Variants in ZC2HC1A observed in about 807,000 individuals in gnomAD.
The protein encoded by ZC2HC1A is zinc finger C2HC domain-containing protein 1A.
A neutral mutation model predicts 40.7 loss-of-function variants in ZC2HC1A; 28 were observed. That is an observed-to-expected ratio of 0.69 (90% CI 0.51 to 0.94). The LOEUF is 0.94. Among genes scored for constraint, ZC2HC1A ranks in the 40% least tolerant of loss-of-function variants. The pLI is 0.00. For missense variants in ZC2HC1A, 389 were observed against 386.3 expected, an observed-to-expected ratio of 1.01 and a Z score of -0.06; for synonymous variants, 129 against 129.2, an observed-to-expected ratio of 1.00 and a Z score of 0.01.
intron 5 of ZC2HC1A, among the ~76,000 whole-genome samples, chr8:78,695,315 A>G (rs1044189673): frequency 1.3e-5 from 2 of 152,160 alleles, no homozygotes; most frequent in Non-Finnish European, 2.9e-5. Flanking sequence ...TGTTCTGCCT[A>G]AGTATTTGGA....
chr8:78,671,489 A>G lies in ZC2HC1A; in HGVS notation c.17-4298A>G, dbSNP rs145685066. On this transcript the variant is annotated intron_variant, in intron 1 of 8. Coordinates refer to ENST00000263849, the MANE Select transcript of ZC2HC1A (RefSeq NM_016010.3). ...ATTTTTATAAGCTGCAAAATTTGCTAGTTTTTGCCACTTAGGAAAGGTTAG... is the reference window on the plus strand; with the variant it reads ...ATTTTTATAAGCTGCAAAATTTGCTGGTTTTTGCCACTTAGGAAAGGTTAG... 5.9e-3 allele frequency among the ~76,000 whole-genome samples: 902 copies of G among 152,264 alleles called. 9 individuals carry two copies. The highest frequency in any genetic ancestry group is 0.02 in the African/African-American group (846 of 41,552).
chr8:78,684,650 G>A (rs1322989071), intron 3 of ZC2HC1A, among the ~76,000 whole-genome samples: 4 of 152,118 alleles, frequency 2.6e-5, no homozygotes, highest in Non-Finnish European at 4.4e-5. Context: ...CAAACAACAG[G>A]AGTAAAGGGA....
chr8:78,699,076 A>G (rs1054449066), intron 7 of ZC2HC1A, among the ~76,000 whole-genome samples: 2 of 152,172 alleles, frequency 1.3e-5, no homozygotes, highest in African/African-American at 4.8e-5. Context: ...ATGAAAATCT[A>G]TAAAGGGATA....
intron 4 of ZC2HC1A, among the ~76,000 whole-genome samples, chr8:78,687,388 T>C (rs554373451): frequency 1.3e-5 from 2 of 150,274 alleles, no homozygotes; most frequent in Non-Finnish European, 3.0e-5. Context: ...TCTACAGATA[T>C]AGTAAATATC....
intron 3 of ZC2HC1A, chr8:78,679,399 C>G (rs1433730464): frequency 2.0e-5 from 3 of 152,244 alleles, no homozygotes; most frequent in East Asian, 3.9e-4. Context: ...GCACATCCTC[C>G]CATGTGCTTT....
chr8:78,699,869 T>C lies in ZC2HC1A; in HGVS notation c.704+1356T>C, dbSNP rs140836810. On this transcript the variant is annotated intron_variant, in intron 7 of 8. Coordinates refer to ENST00000263849, the MANE Select transcript of ZC2HC1A (RefSeq NM_016010.3). Reference sequence around the variant, plus strand: ...TATATTTTCTTTATCCAGTATATCATTGATGGACATTTAGGTTGATTCCAT... The same window carrying C: ...TATATTTTCTTTATCCAGTATATCACTGATGGACATTTAGGTTGATTCCAT... 8.3e-3 allele frequency among the ~76,000 whole-genome samples: 1,259 copies of C among 152,288 alleles called. 19 individuals carry two copies. Among genetic ancestry groups the C allele is most frequent in the African/African-American group, 0.028 (1,166 of 41,568 alleles).
rs761554974 is a variant in ZC2HC1A at position 78,678,651 on chromosome 8, T to C, written c.182T>C (p.Ile61Thr). ...SSRQRAEGTDIPTVKPLKPRP... is the reference protein window; with the variant it reads ...SSRQRAEGTDTPTVKPLKPRP... ...AGACAGAGAGCTGAAGGAACTGATA[T>C]TCCAACAGTAAAACCTCTCAAACCG... Residue 61 changes from isoleucine to threonine, a missense_variant, in exon 3 of 9, where the codon ATT (isoleucine) becomes ACT (threonine). Ile to Thr is a moderately conservative substitution (Grantham distance 89, BLOSUM62 -1). Transcript: ENST00000263849. The C allele has an allele frequency of 1.2e-6, 2 of 1,611,474 alleles. No homozygotes were observed. Among genetic ancestry groups the C allele is most frequent in the Non-Finnish European group, 8.5e-7 (1 of 1,178,974 alleles).
chr8:78,695,769 T>C (rs1456636178), intron 5 of ZC2HC1A, among the ~76,000 whole-genome samples: 1 of 152,222 alleles, frequency 6.6e-6, no homozygotes, highest in Non-Finnish European at 1.5e-5. Flanking sequence ...CATTTGTTAA[T>C]TTGAAAGACA....
At chr8:78,690,358 A>G (rs1346687645) in intron 5 of ZC2HC1A, among the ~76,000 whole-genome samples, 1 of 152,176 alleles carries the variant, frequency 6.6e-6, no homozygotes, top group African/African-American at 2.4e-5. Flanking sequence ...CAGGAGATAA[A>G]GACCATCCTG....
chr8:78,680,758 T>G (rs977371010), intron 3 of ZC2HC1A, among the ~76,000 whole-genome samples: 1 of 152,210 alleles, frequency 6.6e-6, no homozygotes, highest in Admixed American at 6.5e-5. Context: ...GGCCTGTGGC[T>G]GGATTCTGGA....
rs760905028 is a variant in ZC2HC1A, at chr8:78,715,239, A to G, written c.723A>G (p.Arg241=). ...APHAGANVKP[R]NSTPPSLARN... The stretch of plus-strand genomic sequence containing the variant: ...TTTATAGAGCTAATGTCAAACCCCG[A>G]AATTCCACACCACCTAGTTTGGCAA... The change falls in exon 8 of 9, where the codon CGA becomes CGG. Residue 241 remains arginine, a synonymous_variant. Transcript: ENST00000263849. 19 of 1,613,784 alleles carry G rather than the reference A, an allele frequency of 1.2e-5. No homozygotes were observed. Among genetic ancestry groups the G allele is most frequent in the Non-Finnish European group, 1.6e-5 (19 of 1,179,870 alleles).
At chr8:78,708,673 T>A (rs1306613763) in intron 7 of ZC2HC1A, among the ~76,000 whole-genome samples, 1 of 16,450 alleles carries the variant, frequency 6.1e-5, no homozygotes, top group East Asian at 0.018. Flanking sequence ...GATGATTATC[T>A]TTTTTTTTTC....
rs778393767 is a variant in ZC2HC1A at position 78,697,546 on chromosome 8, C to T, written c.604+40C>T. ...AAAGCAACTTGATTTGTTTTTGAAA[C>T]CATGTTGGCAGAGCAGGAAATAAAG... On this transcript the variant is annotated intron_variant, in intron 6 of 8. Transcript: ENST00000263849. The T allele has an allele frequency of 7.4e-6, 11 of 1,493,796 alleles. No individual in the cohort carries two copies. The South Asian group carries it at 1.2e-4, about 16-fold the overall frequency. 92.5% of individuals were successfully genotyped at this position (1,493,796 alleles called of 1,614,324 possible).
intron 8 of ZC2HC1A, among the ~76,000 whole-genome samples, chr8:78,716,097 T>G (rs980863456): frequency 6.6e-6 from 1 of 151,238 alleles, no homozygotes; most frequent in Non-Finnish European, 1.5e-5. Context: ...TATTTTACCT[T>G]TATTACTGTT....
intron 5 of ZC2HC1A, among the ~76,000 whole-genome samples, chr8:78,691,072 T>G (rs1182177072): frequency 6.6e-6 from 1 of 152,160 alleles, no homozygotes; most frequent in Non-Finnish European, 1.5e-5. Context: ...CTTTTATTTC[T>G]TTTTTGTGAT....
rs541501387 is a variant in ZC2HC1A at position 78,686,736 on chromosome 8, G to A, written c.352+128G>A. 19 of 973,698 alleles carry A rather than the reference G, an allele frequency of 2.0e-5. No homozygotes were observed. In the East Asian group the frequency reaches 3.6e-4, roughly 18 times the overall value. The allele number at this position is 973,698 out of a possible 1,614,324, so 60.3% of individuals were successfully genotyped here. ...TTATGAGGCATAATCTTTAAAATTT[G>A]GTGTAAAATGGTGGTGGTAATCTAG... is the stretch of plus-strand genomic sequence containing the variant. On this transcript the variant is annotated intron_variant, in intron 4 of 8. Transcript: ENST00000263849.
At chr8:78,704,276 T>C (rs1257103357) in intron 7 of ZC2HC1A, among the ~76,000 whole-genome samples, 1 of 150,674 alleles carries the variant, frequency 6.6e-6, no homozygotes, top group Admixed American at 6.6e-5. Context: ...TAGTCCCAGC[T>C]ACTTGGGAGG....
chr8:78,716,830 T>G (rs1387225615), intron 8 of ZC2HC1A, among the ~76,000 whole-genome samples: 1 of 152,166 alleles, frequency 6.6e-6, no homozygotes, highest in Non-Finnish European at 1.5e-5. Flanking sequence ...CCATTGCTGT[T>G]CTTGTGATAG....
intron 1 of ZC2HC1A, among the ~76,000 whole-genome samples, chr8:78,673,724 T>G (rs1007107358): frequency 6.6e-6 from 1 of 152,188 alleles, no homozygotes; most frequent in African/African-American, 2.4e-5. Context: ...TCAACACACA[T>G]GCACATGCCA....
Sources: allele counts gnomAD v4.1 joint callset (sites outside exome capture counted in the v4.1 genomes callset), GRCh38; gene constraint gnomAD v4.1.1; transcripts MANE v1.5; gene names NCBI Gene and HGNC (gene_info 2026-07-23, HGNC 2026-07-21).